The following SLC25A37 variants were observed in gnomAD, a reference collection of about 807,000 sequenced individuals.
SLC25A37 encodes mitoferrin-1.
A neutral mutation model predicts 31.0 loss-of-function variants in SLC25A37; 17 were observed. The ratio of observed to expected loss-of-function variants is 0.55; its 90% CI spans 0.38 to 0.82. SLC25A37 has a LOEUF of 0.82. Among genes scored for constraint, SLC25A37 ranks in the 40% least tolerant of loss-of-function variants. The probability of loss-of-function intolerance (pLI) is 0.00; values close to 1 mark genes in which losing one functional copy is unlikely to be tolerated. For synonymous variants in SLC25A37, 222 were observed against 193.0 expected, an observed-to-expected ratio of 1.15 and a Z score of -1.24; for missense variants, 404 against 465.8, an observed-to-expected ratio of 0.87 and a Z score of 1.22.
At position 23,548,453 on chromosome 8, in the gene SLC25A37, C is replaced by T. The variant is rs888682139; in HGVS notation, c.211-17655C>T. Among the ~76,000 whole-genome samples the T allele has an allele frequency of 2.3e-4, 35 of 149,086 alleles. 1 individual carries two copies. In the Middle Eastern group the frequency reaches 0.01, roughly 45 times the overall value. Reference sequence around the variant, plus strand: ...TTGGCCTCCCAAAGTGCTGGGATTACAGGCGTGAGCCACCACGTCCGGGCT... The same window carrying T: ...TTGGCCTCCCAAAGTGCTGGGATTATAGGCGTGAGCCACCACGTCCGGGCT... On this transcript the variant is annotated intron_variant, in intron 1 of 3. Transcript: ENST00000519973.
chr8:23,574,536 A>T lies in SLC25A37; in HGVS notation c.*2681A>T, dbSNP rs1446030303. On this transcript the variant is annotated 3_prime_UTR_variant, in exon 4 of 4. Transcript: ENST00000519973. ...CAGGCCCCTCCCTGTGTGATGAGGG[A>T]TGAGTCAGCTTGGGGAGCCACTTGG... The T allele has an allele frequency of 1.3e-5, 2 of 154,822 alleles. No homozygotes were observed. The highest frequency in any genetic ancestry group is 2.9e-5 in the Non-Finnish European group (2 of 68,292). 9.6% of individuals were successfully genotyped at this position (154,822 alleles called of 1,614,324 possible).
chr8:23,547,546 T>G (rs952826327), intron 1 of SLC25A37, among the ~76,000 whole-genome samples: 1 of 152,216 alleles, frequency 6.6e-6, no homozygotes, highest in Admixed American at 6.5e-5. Flanking sequence ...TTCCACTCCT[T>G]CTTTTCACAG....
Position 23,574,667 on chromosome 8 carries a change from T to A in SLC25A37, c.*2812T>A, listed in dbSNP as rs1286384080. ...AATTTTGTAGAAATTAACTTTCCCA[T>A]CTGGCCTTTATCTCCAAAGTTGGTA... On this transcript the variant is annotated 3_prime_UTR_variant, in exon 4 of 4. Coordinates refer to ENST00000519973, the MANE Select transcript of SLC25A37 (RefSeq NM_016612.4). 1.3e-5 allele frequency: 2 copies of A among 154,924 alleles called. No homozygotes were observed. Among genetic ancestry groups the A allele is most frequent in the Non-Finnish European group, 2.9e-5 (2 of 68,246 alleles). 9.6% of individuals were successfully genotyped at this position (154,924 alleles called of 1,614,324 possible).
At chr8:23,571,254 C>G (rs1802820885) in intron 3 of SLC25A37, 81 bp from the exon 4 acceptor site, 3 of 1,437,936 alleles carry the variant, frequency 2.1e-6, no homozygotes, top group African/African-American at 1.4e-5. Flanking sequence ...GGCTTGGCTT[C>G]ATTCCGACCT....
intron 1 of SLC25A37, among the ~76,000 whole-genome samples, chr8:23,557,038 A>G (rs1802385965): frequency 6.6e-6 from 1 of 151,956 alleles, no homozygotes; most frequent in Non-Finnish European, 1.5e-5. Flanking sequence ...TTTAGTAGAG[A>G]TGGGATTTTG....
Position 23,571,403 on chromosome 8 carries a change from T to G in SLC25A37, c.565T>G (p.Trp189Gly), listed in dbSNP as rs769573317. The G allele has an allele frequency of 2.5e-6, 4 of 1,613,736 alleles. No homozygotes were observed. The highest frequency in any genetic ancestry group is 3.4e-6 in the Non-Finnish European group (4 of 1,179,740). ...RSAISCIRTV[W>G]RTEGLGAFYR... is the part of the protein sequence containing the mutation. ...AGCAATCAGCTGCATCCGGACGGTG[T>G]GGAGGACCGAGGGGTTGGGGGCCTT... is the stretch of plus-strand genomic sequence containing the variant. The change falls in exon 4 of 4, where the codon TGG becomes GGG. Residue 189 changes from tryptophan (W) to glycine (G), a missense_variant. By Grantham distance (184) the Trp-to-Gly change is radical. Around this residue, in one of 3 missense-constraint regions of SLC25A37, gnomAD observed 243 missense variants for 284.4 expected, o/e 0.85. Coordinates refer to ENST00000519973, the MANE Select transcript of SLC25A37 (RefSeq NM_016612.4).
chr8:23,557,465 A>T (rs931841524), intron 1 of SLC25A37, among the ~76,000 whole-genome samples: 30 of 152,192 alleles, frequency 2.0e-4, no homozygotes, highest in Admixed American at 8.5e-4. Context: ...TCCTTTCCAT[A>T]AAGCGTGGTG....
chr8:23,571,883 A>G lies in SLC25A37; in HGVS notation c.*28A>G. 6.3e-7 allele frequency: 1 copy of G among 1,598,884 alleles called. No individual in the cohort carries two copies. Among genetic ancestry groups the G allele is most frequent in the African/African-American group, 1.3e-5 (1 of 74,526 alleles). On this transcript the variant is annotated 3_prime_UTR_variant, in exon 4 of 4. Coordinates refer to ENST00000519973, the MANE Select transcript of SLC25A37 (RefSeq NM_016612.4). ...GAAGGGATCATAGAATCTTTTCTTA[A>G]AGTCATTCTCTGCCTGCATCCAGCC...
In SLC25A37 at chr8:23,556,589, T is replaced by A. The variant is rs558058322; in HGVS notation, c.211-9519T>A. Among the ~76,000 whole-genome samples the A allele has an allele frequency of 2.6e-5, 4 of 152,128 alleles. No individual in the cohort carries two copies. In the South Asian group the frequency reaches 8.3e-4, roughly 32 times the overall value. On this transcript the variant is annotated intron_variant, in intron 1 of 3. Coordinates refer to ENST00000519973, the MANE Select transcript of SLC25A37 (RefSeq NM_016612.4). ...ATGTATGTATATACATATGTATATA[T>A]GCATGTGTATATATATGTGTGTATA...
intron 1 of SLC25A37, among the ~76,000 whole-genome samples, chr8:23,532,571 A>G (rs1801682367): frequency 1.3e-5 from 2 of 152,212 alleles, no homozygotes; most frequent in Non-Finnish European, 2.9e-5. Flanking sequence ...TGGGGAAAGC[A>G]GGGGCAGAAG....
At chr8:23,568,444 G>A in intron 3 of SLC25A37, 66 bp downstream of exon 3, 2 of 1,589,172 alleles carry the variant, frequency 1.3e-6, no homozygotes, top group Non-Finnish European at 1.7e-6. Flanking sequence ...AAATGGTTGT[G>A]GGAGAGTGGA....
At chr8:23,553,587 C>CT (rs1209371343) in intron 1 of SLC25A37, among the ~76,000 whole-genome samples, 3 of 152,190 alleles carry the variant, frequency 2.0e-5, no homozygotes, top group Non-Finnish European at 4.4e-5. Flanking sequence ...ATTCAGTTCT[C>CT]TCTTGAAAGC....
chr8:23,530,231 A>T (rs1054565372), intron 1 of SLC25A37, among the ~76,000 whole-genome samples: 2 of 152,156 alleles, frequency 1.3e-5, no homozygotes, highest in African/African-American at 4.8e-5. Flanking sequence ...CGAACCGATT[A>T]CCTTGCCCAG....
intron 1 of SLC25A37, among the ~76,000 whole-genome samples, chr8:23,548,153 T>C (rs769335483): frequency 6.6e-6 from 1 of 152,172 alleles, no homozygotes; most frequent in Admixed American, 6.5e-5. Context: ...CGGTCTCCTC[T>C]TATATTCACT....
rs969661828 is a variant in SLC25A37, at chr8:23,532,972, C to G, written c.210+3760C>G. On this transcript the variant is annotated intron_variant, in intron 1 of 3. Transcript: ENST00000519973. ...CAGAAGGGCGTGAAATCCCAAATTG[C>G]TCTAGTTCCTGGGACAAAACTATAA... Among the ~76,000 whole-genome samples, 33 of 152,374 alleles carry G rather than the reference C, an allele frequency of 2.2e-4. No homozygotes were observed. In the East Asian group the frequency reaches 5.4e-3, roughly 25 times the overall value.
intron 1 of SLC25A37, among the ~76,000 whole-genome samples, chr8:23,550,525 G>A (rs1214125087): frequency 6.6e-6 from 1 of 152,256 alleles, no homozygotes; most frequent in Non-Finnish European, 1.5e-5. Flanking sequence ...CCAAGGGCGT[G>A]GGAACTGCAT....
rs775087976 is a variant in SLC25A37, at chr8:23,571,826, C to G, written c.988C>G (p.Arg330Gly). The change falls in exon 4 of 4, where the codon CGC becomes GGC. Residue 330 changes from arginine to glycine, a missense_variant. Arg to Gly is a moderately radical substitution (Grantham distance 125). This residue lies in a region of SLC25A37 where 243 missense variants were observed against 284.4 expected (regional missense o/e 0.85). Transcript: ENST00000519973. ...YEFFKYFLTKRQLENRAPY is the reference protein window; with the variant it reads ...YEFFKYFLTKGQLENRAPY The stretch of plus-strand genomic sequence containing the variant: ...GTTCTTCAAGTACTTTCTCACCAAG[C>G]GCCAGCTGGAAAATCGAGCTCCATA... 1.2e-6 allele frequency: 2 copies of G among 1,611,392 alleles called. No individual in the cohort carries two copies. Among genetic ancestry groups the G allele is most frequent in the Middle Eastern group, 1.6e-4 (1 of 6,072 alleles).
chr8:23,567,412 T>TA (rs1352275844), intron 2 of SLC25A37: 2 of 152,422 alleles, frequency 1.3e-5, no homozygotes, highest in African/African-American at 2.4e-5. Flanking sequence ...GAAACTGCCT[T>TA]ACGTAATGGT....
intron 1 of SLC25A37, among the ~76,000 whole-genome samples, chr8:23,550,747 G>C (rs2117419391): frequency 6.6e-6 from 1 of 152,322 alleles, no homozygotes; most frequent in South Asian, 2.1e-4. Context: ...GTACAGTTTG[G>C]GGAGCACTGC....
Sources: gnomAD v4.1 joint callset for allele counts (sites outside exome capture counted in the v4.1 genomes callset) on GRCh38, gnomAD v4.1.1 for gene constraint, gnomAD v4.1.1 regional missense constraint, MANE v1.5 for transcripts, NCBI Gene and HGNC (gene_info 2026-07-23, HGNC 2026-07-21) for gene names.